Variants in ATP6V1H observed in about 807,000 individuals in gnomAD.
The protein encoded by ATP6V1H is V-type proton ATPase subunit H.
A neutral mutation model predicts 71.7 loss-of-function variants in ATP6V1H; 39 were observed. The observed-to-expected ratio is 0.54, with a 90% CI of 0.42 to 0.71. The LOEUF (loss-of-function observed/expected upper bound fraction) is 0.71, where lower values mean the gene tolerates loss of function less well. ATP6V1H is among the 30% of genes least tolerant of loss of function. ATP6V1H has a pLI of 0.00. For synonymous variants in ATP6V1H, 192 were observed against 199.3 expected (o/e 0.96, Z 0.31); for missense variants, 509 against 594.9 (o/e 0.86, Z 1.50).
chr8:53,719,931 A>T (rs1260028176), intron 13 of ATP6V1H, among the ~76,000 whole-genome samples: 1 of 152,158 alleles, frequency 6.6e-6, no homozygotes, highest in African/African-American at 2.4e-5. Context: ...GGTGTGAAAA[A>T]TTTCTTCAGG....
chr8:53,821,153 T>C (rs1810641393), intron 4 of ATP6V1H, among the ~76,000 whole-genome samples: 2 of 150,218 alleles, frequency 1.3e-5, no homozygotes, highest in Non-Finnish European at 1.5e-5. Context: ...GGTGGATCAT[T>C]TGAGGTCATG....
At chr8:53,827,043 C>T (rs541083603) in intron 4 of ATP6V1H, among the ~76,000 whole-genome samples, 1 of 151,846 alleles carries the variant, frequency 6.6e-6, no homozygotes, top group Admixed American at 6.6e-5. Flanking sequence ...TACCTTTCTG[C>T]ATAGTTTTGA....
chr8:53,729,910 G>A (rs1161126261), intron 13 of ATP6V1H, among the ~76,000 whole-genome samples: 1 of 152,154 alleles, frequency 6.6e-6, no homozygotes, highest in Non-Finnish European at 1.5e-5. Flanking sequence ...CCAATGAACA[G>A]GCCAGGCAGG....
At chr8:53,750,833 GAAC>G (rs1234538104) in intron 12 of ATP6V1H, among the ~76,000 whole-genome samples, 4 of 152,024 alleles carry the variant, frequency 2.6e-5, no homozygotes, top group East Asian at 1.9e-4. Flanking sequence ...GAGTGTAGAA[GAAC>G]AACTGCTATT....
intron 9 of ATP6V1H, among the ~76,000 whole-genome samples, chr8:53,773,428 T>G (rs1004880696): frequency 6.6e-6 from 1 of 152,140 alleles, no homozygotes; most frequent in African/African-American, 2.4e-5. Context: ...AGGCAACTAC[T>G]TAAAAAAACA....
rs1211944036 is a variant in ATP6V1H, at chr8:53,743,658, A to T, written c.1310T>A (p.Val437Asp). Residue 437 changes from valine (V) to aspartate (D), a missense_variant, in exon 13 of 14, where the codon GTC (valine) becomes GAC (aspartate). By Grantham distance (152) the Val-to-Asp change is radical (BLOSUM62 -3). Transcript: ENST00000359530. The part of the protein sequence containing the change: ...VIEQLGGKQL[V>D]MNHMHHEDQQ... ...GTCTTCATGATGCATGTGGTTCATG[A>T]CCAGCTGCTTCCCACCGAGCTGCTC... 6.2e-7 allele frequency: 1 copy of T among 1,613,296 alleles called. No homozygotes were observed. Among genetic ancestry groups the T allele is most frequent in the Non-Finnish European group, 8.5e-7 (1 of 1,179,530 alleles).
chr8:53,761,926 CA>C (rs916188343), intron 11 of ATP6V1H, among the ~76,000 whole-genome samples: 1 of 152,020 alleles, frequency 6.6e-6, no homozygotes, highest in Non-Finnish European at 1.5e-5. Flanking sequence ...GTCAGAAGAA[CA>C]AATGTTAAAC....
chr8:53,722,064 T>C (rs1806638735), intron 13 of ATP6V1H, among the ~76,000 whole-genome samples: 1 of 152,240 alleles, frequency 6.6e-6, no homozygotes, highest in South Asian at 2.1e-4. Flanking sequence ...AACAAAGTTA[T>C]TTTTTCCTAC....
intron 9 of ATP6V1H, among the ~76,000 whole-genome samples, chr8:53,785,153 T>C (rs1363967599): frequency 6.6e-6 from 1 of 152,170 alleles, no homozygotes; most frequent in African/African-American, 2.4e-5. Context: ...GGTTCCATTC[T>C]CCCCGTCACT....
intron 11 of ATP6V1H, among the ~76,000 whole-genome samples, chr8:53,759,332 C>T (rs1253033480): frequency 6.6e-6 from 1 of 152,154 alleles, no homozygotes; most frequent in African/African-American, 2.4e-5. Flanking sequence ...TGTGTCAAAT[C>T]GTCAATTAAA....
At chr8:53,774,905 C>T (rs150267917) in intron 9 of ATP6V1H, among the ~76,000 whole-genome samples, 9 of 152,264 alleles carry the variant, frequency 5.9e-5, no homozygotes, top group African/African-American at 2.2e-4. Flanking sequence ...AAAGAAGACC[C>T]AAATTCTGCA....
rs1809716588 is a variant in ATP6V1H, at chr8:53,795,943, A to C, written c.678-104T>G. The C allele has an allele frequency of 2.9e-6, 3 of 1,020,460 alleles. No individual in the cohort carries two copies. In the East Asian group the frequency reaches 7.7e-5, roughly 26 times the overall value. 63.2% of individuals were successfully genotyped at this position (1,020,460 alleles called of 1,614,324 possible). ...CTAATGGAACAGGTCTCTCTGAATT[A>C]TGTCCTGTTTCTTTTCTGCCAGCAA... On this transcript the variant is annotated intron_variant, in intron 8 of 13. Transcript: ENST00000359530.
intron 9 of ATP6V1H, among the ~76,000 whole-genome samples, chr8:53,791,275 G>C (rs541044682): frequency 6.6e-6 from 1 of 152,258 alleles, no homozygotes; most frequent in South Asian, 2.1e-4. Flanking sequence ...TCTGACAAAG[G>C]GTCTTATTAG....
intron 2 of ATP6V1H, chr8:53,839,892 A>G (rs1811288217): frequency 3.0e-6 from 3 of 985,230 alleles, no homozygotes; most frequent in Non-Finnish European, 3.6e-6. Context: ...ACTCCTTCCA[A>G]CCACACACCC....
chr8:53,754,110 T>A (rs531332252), intron 12 of ATP6V1H, among the ~76,000 whole-genome samples: 1 of 152,282 alleles, frequency 6.6e-6, no homozygotes, highest in East Asian at 1.9e-4. Flanking sequence ...CATATGGCAG[T>A]AAGCACATCT....
intron 7 of ATP6V1H, among the ~76,000 whole-genome samples, chr8:53,802,948 A>G (rs190950977): frequency 6.6e-6 from 1 of 152,338 alleles, no homozygotes; most frequent in Admixed American, 6.5e-5. Context: ...ATACTCCCAG[A>G]AAGTTGCAAG....
chr8:53,830,100 C>G (rs561024150), intron 3 of ATP6V1H, among the ~76,000 whole-genome samples: 34 of 152,292 alleles, frequency 2.2e-4, no homozygotes, highest in Non-Finnish European at 4.1e-4. Context: ...CCCCGATAGG[C>G]AGCAGAATTG....
chr8:53,766,278 A>C (rs1037493153), intron 11 of ATP6V1H, among the ~76,000 whole-genome samples: 3 of 152,224 alleles, frequency 2.0e-5, no homozygotes, highest in Non-Finnish European at 4.4e-5. Context: ...CTAAACATAA[A>C]TTGTAAAGAT....
chr8:53,827,935 C>A (rs1381646532), intron 4 of ATP6V1H, among the ~76,000 whole-genome samples: 1 of 152,202 alleles, frequency 6.6e-6, no homozygotes, highest in Non-Finnish European at 1.5e-5. Flanking sequence ...CTGCAAAGGA[C>A]ATGCTCTCAT....
Sources: allele counts gnomAD v4.1 joint callset (sites outside exome capture counted in the v4.1 genomes callset), GRCh38; gene constraint gnomAD v4.1.1; transcripts MANE v1.5; gene names NCBI Gene and HGNC (gene_info 2026-07-23, HGNC 2026-07-21).